The following ADCY2 variants were observed in gnomAD, a reference collection of about 807,000 sequenced individuals.
ADCY2 encodes the protein adenylate cyclase type 2.
ADCY2 carries 31 observed loss-of-function variants against 125.2 expected under a neutral mutation model. The ratio of observed to expected loss-of-function variants is 0.25; its 90% CI spans 0.19 to 0.33. The LOEUF (loss-of-function observed/expected upper bound fraction) is 0.33, where lower values mean the gene tolerates loss of function less well. ADCY2 is among the 10% of genes least tolerant of loss of function. ADCY2 has a pLI of 1.00. For synonymous variants in ADCY2, 512 were observed against 548.4 expected, an observed-to-expected ratio of 0.93 and a Z score of 0.93; for missense variants, 904 against 1,418.2, an observed-to-expected ratio of 0.64 and a Z score of 5.82.
chr5:7,771,641 A>G (rs980217357), intron 17 of ADCY2, among the ~76,000 whole-genome samples: 1 of 152,164 alleles, frequency 6.6e-6, no homozygotes, highest in African/African-American at 2.4e-5. Flanking sequence ...GCAAGCTCCT[A>G]TTCCCAACTT....
chr5:7,406,914 T>C (rs1169418346), intron 1 of ADCY2, among the ~76,000 whole-genome samples: 1 of 152,242 alleles, frequency 6.6e-6, no homozygotes, highest in Non-Finnish European at 1.5e-5. Context: ...TCTCTCTCTT[T>C]CAGCTTCTAT....
intron 14 of ADCY2, among the ~76,000 whole-genome samples, chr5:7,727,493 A>G (rs1245881570): frequency 1.1e-4 from 16 of 152,172 alleles, no homozygotes; most frequent in Admixed American, 1.0e-3. Context: ...CTAGGGATTG[A>G]AAAAAACAAT....
chr5:7,442,485 G>C (rs1448592304), intron 2 of ADCY2, among the ~76,000 whole-genome samples: 1 of 152,156 alleles, frequency 6.6e-6, no homozygotes, highest in African/African-American at 2.4e-5. Context: ...CCCTGGTGGT[G>C]TGTGTTCCCC....
intron 12 of ADCY2, among the ~76,000 whole-genome samples, chr5:7,718,180 G>A (rs551232522): frequency 2.4e-4 from 29 of 123,258 alleles, no homozygotes; most frequent in African/African-American, 8.4e-4. Context: ...ACAGAGTCTC[G>A]CTCTGTTGCC....
intron 2 of ADCY2, among the ~76,000 whole-genome samples, chr5:7,421,870 T>A (rs1216086158): frequency 6.6e-6 from 1 of 152,258 alleles, no homozygotes; most frequent in Non-Finnish European, 1.5e-5. Context: ...CAAACCTGTT[T>A]CTCTAAGGAA....
chr5:7,597,611 T>TA (rs1027909483), intron 3 of ADCY2, among the ~76,000 whole-genome samples: 1 of 152,112 alleles, frequency 6.6e-6, no homozygotes, highest in African/African-American at 2.4e-5. Flanking sequence ...CCCATCTGTA[T>TA]AAAAAAACTT....
intron 2 of ADCY2, among the ~76,000 whole-genome samples, chr5:7,420,438 C>G (rs535963985): frequency 1.4e-4 from 22 of 152,198 alleles, no homozygotes; most frequent in African/African-American, 4.8e-4. Context: ...GGTCAACAAC[C>G]TGGTTTGGGA....
chr5:7,402,542 T>C (rs1198525840), intron 1 of ADCY2, among the ~76,000 whole-genome samples: 2 of 152,044 alleles, frequency 1.3e-5, no homozygotes, highest in African/African-American at 2.4e-5. Context: ...GAAAAAACCA[T>C]TGTGGGCTGC....
chr5:7,727,294 C>T (rs373098203), intron 14 of ADCY2, 33 bp downstream of exon 14: 1 of 1,565,678 alleles, frequency 6.4e-7, no homozygotes, highest in Non-Finnish European at 8.8e-7. Context: ...GGGATTCTCA[C>T]CTGGGGTGCC....
chr5:7,582,271 T>G (rs1442739029), intron 3 of ADCY2, among the ~76,000 whole-genome samples: 1 of 152,080 alleles, frequency 6.6e-6, no homozygotes, highest in East Asian at 1.9e-4. Flanking sequence ...CACAAATAGA[T>G]AATTACCTGA....
intron 23 of ADCY2, among the ~76,000 whole-genome samples, chr5:7,819,898 G>A (rs1238426895): frequency 6.6e-6 from 1 of 152,184 alleles, no homozygotes; most frequent in Non-Finnish European, 1.5e-5. Flanking sequence ...GCAATAATCA[G>A]TCCAGGCTCT....
intron 2 of ADCY2, among the ~76,000 whole-genome samples, chr5:7,431,181 G>T (rs1039707285): frequency 6.6e-6 from 1 of 152,158 alleles, no homozygotes; most frequent in East Asian, 1.9e-4. Flanking sequence ...GCGTGATATT[G>T]GTGTAAAAAT....
At chr5:7,643,909 C>T (rs576160664) in intron 4 of ADCY2, among the ~76,000 whole-genome samples, 24 of 151,592 alleles carry the variant, frequency 1.6e-4, no homozygotes, top group African/African-American at 5.8e-4. Flanking sequence ...TTTAAGACCT[C>T]TTTTCTTTTT....
intron 2 of ADCY2, among the ~76,000 whole-genome samples, chr5:7,471,134 C>T (rs541357845): frequency 2.6e-4 from 40 of 151,822 alleles, no homozygotes; most frequent in African/African-American, 9.4e-4. Flanking sequence ...AACTTTTACC[C>T]TATCAATGCC....
intron 18 of ADCY2, among the ~76,000 whole-genome samples, chr5:7,783,430 T>A (rs1743981351): frequency 6.6e-6 from 1 of 152,040 alleles, no homozygotes; most frequent in Admixed American, 6.6e-5. Flanking sequence ...AGCTCAGGAT[T>A]CAAACCCAGG....
intron 1 of ADCY2, among the ~76,000 whole-genome samples, chr5:7,408,980 A>G (rs2126314941): frequency 6.6e-6 from 1 of 152,360 alleles, no homozygotes; most frequent in East Asian, 1.9e-4. Flanking sequence ...GAATCAACCT[A>G]AATGCCCATC....
At chr5:7,825,239 G>GTGTGCCACGACAACGCTGCTA in intron 24 of ADCY2, among the ~76,000 whole-genome samples, 1 of 151,934 alleles carries the variant, frequency 6.6e-6, no homozygotes, top group Admixed American at 6.6e-5. Context: ...CAACGCTGCT[G>GTGTGCCACGACAACGCTGCTA]TGTGACATGA....
At chr5:7,804,262 C>T (rs1416243137) in intron 21 of ADCY2, among the ~76,000 whole-genome samples, 1 of 152,156 alleles carries the variant, frequency 6.6e-6, no homozygotes, top group Non-Finnish European at 1.5e-5. Context: ...TTATGCCTTT[C>T]AAATACATAG....
chr5:7,535,813 G>T (rs1734794411), intron 3 of ADCY2, among the ~76,000 whole-genome samples: 1 of 152,170 alleles, frequency 6.6e-6, no homozygotes, highest in African/African-American at 2.4e-5. Flanking sequence ...AGTTTGAACT[G>T]TTGCTAATGA....
Sources: allele counts gnomAD v4.1 joint callset (sites outside exome capture counted in the v4.1 genomes callset), GRCh38; gene constraint gnomAD v4.1.1; transcripts MANE v1.5; gene names NCBI Gene and HGNC (gene_info 2026-07-23, HGNC 2026-07-21).